ALDH4A1: variants seen among roughly 807,000 people sequenced by gnomAD.
ALDH4A1 encodes the protein delta-1-pyrroline-5-carboxylate dehydrogenase, mitochondrial.
A neutral mutation model predicts 70.5 loss-of-function variants in ALDH4A1; 46 were observed. The observed-to-expected ratio is 0.65, with a 90% CI of 0.51 to 0.83. ALDH4A1 has a LOEUF of 0.83. Among genes scored for constraint, ALDH4A1 ranks in the 40% least tolerant of loss-of-function variants. The pLI is 0.00. For missense variants in ALDH4A1, 749 were observed against 766.5 expected (o/e 0.98, Z 0.27); for synonymous variants, 323 against 324.3 (o/e 1.00, Z 0.04).
At chr1:18,879,546 G>C (rs183027231) in intron 8 of ALDH4A1, among the ~76,000 whole-genome samples, 173 bp from the exon 9 acceptor site, 128 of 152,292 alleles carry the variant, frequency 8.4e-4, no homozygotes, top group African/African-American at 2.9e-3. Flanking sequence ...GCAACGGGGG[G>C]CTAGGCAGCA....
rs376233218 is a variant in ALDH4A1, at chr1:18,878,516, C to T, written c.940+784G>A. ...GCCACAGAGAAACATGCTGGACCACCGGTCCCAGCTCTGCTGGTCACGTGC... is the reference window on the plus strand; with the variant it reads ...GCCACAGAGAAACATGCTGGACCACTGGTCCCAGCTCTGCTGGTCACGTGC... On this transcript the variant is annotated intron_variant, in intron 9 of 14. Transcript: ENST00000375341. 1.0e-3 allele frequency among the ~76,000 whole-genome samples: 159 copies of T among 152,270 alleles called. 1 individual carries two copies. Among genetic ancestry groups the T allele is most frequent in the African/African-American group, 3.6e-3 (148 of 41,542 alleles).
At chr1:18,900,898 G>C (rs1344298192) in intron 1 of ALDH4A1, 9 of 984,932 alleles carry the variant, frequency 9.1e-6, no homozygotes, top group Non-Finnish European at 1.1e-5. Context: ...GGCCCATGGT[G>C]CTTGATTGCT....
intron 5 of ALDH4A1, 46 bp downstream of exon 5, chr1:18,885,427 T>TTCCCCC: frequency 7.7e-6 from 5 of 650,920 alleles, no homozygotes; most frequent in East Asian, 6.3e-5. Flanking sequence ...CACACCTGAC[T>TTCCCCC]CCCACCCCAC....
intron 12 of ALDH4A1, among the ~76,000 whole-genome samples, chr1:18,875,706 TC>T (rs1934651910): frequency 6.6e-6 from 1 of 151,992 alleles, no homozygotes; most frequent in African/African-American, 2.4e-5. Context: ...GTCCTGTCCA[TC>T]CCACCACAAG....
In ALDH4A1 at chr1:18,872,845, T is replaced by G. The variant is rs1422137698; in HGVS notation, c.1692A>C (p.Ter564CysextTer38). Residue 564 changes from the stop codon to cysteine, a stop_lost, in exon 15 of 15, where the codon TGA (stop) becomes TGC (cysteine). Transcript: ENST00000375341. ...CTGGACGGTGGAGCCCGAGAGGGGC[T>G]CACTGCATGTACGCGTAGCTCCAGT... ...LGDWSYAYMQ[*>C] 8 of 1,612,692 alleles carry G rather than the reference T, an allele frequency of 5.0e-6. No homozygotes were observed. The highest frequency in any genetic ancestry group is 6.8e-6 in the Non-Finnish European group (8 of 1,179,180).
intron 4 of ALDH4A1, 148 bp from the exon 5 acceptor site, chr1:18,885,776 G>A (rs1318181873): frequency 1.7e-6 from 2 of 1,200,544 alleles, no homozygotes; most frequent in Admixed American, 2.1e-5. Flanking sequence ...TGCCACCATA[G>A]CTGCCAACAA....
intron 1 of ALDH4A1, among the ~76,000 whole-genome samples, chr1:18,899,616 G>A (rs1057381933): frequency 1.3e-5 from 2 of 152,356 alleles, no homozygotes; most frequent in East Asian, 1.9e-4. Context: ...TCAAGGCCTC[G>A]GACAAGTTTT....
intron 9 of ALDH4A1, among the ~76,000 whole-genome samples, chr1:18,878,603 C>T (rs1159318085): frequency 6.6e-6 from 1 of 152,184 alleles, no homozygotes; most frequent in African/African-American, 2.4e-5. Flanking sequence ...CCACAAAACA[C>T]TTGGTCCATG....
At chr1:18,873,441 G>A (rs556015164) in intron 14 of ALDH4A1, among the ~76,000 whole-genome samples, 15 of 152,274 alleles carry the variant, frequency 9.9e-5, no homozygotes, top group African/African-American at 3.4e-4. Context: ...GCTCTTGCAG[G>A]ATGGCACTGA....
Position 18,883,152 on chromosome 1 carries a change from C to G in ALDH4A1, c.650G>C (p.Gly217Ala). 3 of 1,613,172 alleles carry G rather than the reference C, an allele frequency of 1.9e-6. No individual in the cohort carries two copies. Among genetic ancestry groups the G allele is most frequent in the Non-Finnish European group, 2.5e-6 (3 of 1,180,046 alleles). Residue 217 changes from glycine (G) to alanine (A), a missense_variant, in exon 7 of 15, where the codon GGC becomes GCC. By Grantham distance (60) the Gly-to-Ala change is moderately conservative. Coordinates refer to ENST00000375341, the MANE Select transcript of ALDH4A1 (RefSeq NM_003748.4). Reference sequence around the variant, plus strand: ...CAGGGCCGGTGCCCCCGCCAGGTTGCCGCCGATTGCAGTGAAGTTAAAGGG... The same window carrying G: ...CAGGGCCGGTGCCCCCGCCAGGTTGGCGCCGATTGCAGTGAAGTTAAAGGG... The part of the protein sequence containing the change: ...ISPFNFTAIG[G>A]NLAGAPALMG...
At position 18,898,980 on chromosome 1, in the gene ALDH4A1, C is replaced by T. The variant is rs952387226; in HGVS notation, c.62+3482G>A. Among the ~76,000 whole-genome samples, 7 of 152,352 alleles carry T rather than the reference C, an allele frequency of 4.6e-5. No homozygotes were observed. In the South Asian group the frequency reaches 1.2e-3, roughly 27 times the overall value. ...TCCAGGAAACCACTGATCACATCAC[C>T]GCTAATCCTTGCAGCCACCTGCTAC... On this transcript the variant is annotated intron_variant, in intron 1 of 14. Transcript: ENST00000375341. The surrounding 1 kb of genome is among the most constrained non-coding windows in gnomAD (Gnocchi z 4.3).
chr1:18,879,830 A>G (rs948529184), intron 8 of ALDH4A1, among the ~76,000 whole-genome samples: 1 of 152,176 alleles, frequency 6.6e-6, no homozygotes, highest in African/African-American at 2.4e-5. Flanking sequence ...CAGGCCTGAG[A>G]GGCCAAACCG....
intron 5 of ALDH4A1, 46 bp downstream of exon 5, chr1:18,885,427 T>TGCCAACCCCCCCCCCCCCCCCC: frequency 1.5e-6 from 1 of 650,922 alleles, no homozygotes. Context: ...CACACCTGAC[T>TGCCAACCCCCCCCCCCCCCCCC]CCCACCCCAC....
At chr1:18,875,319 G>T in intron 13 of ALDH4A1, 63 bp downstream of exon 13, 6 of 1,612,136 alleles carry the variant, frequency 3.7e-6, no homozygotes, top group Non-Finnish European at 5.1e-6. Context: ...TCCAGGAGGT[G>T]GGGATGGGGA....
At chr1:18,884,555 T>C (rs935423784) in intron 5 of ALDH4A1, among the ~76,000 whole-genome samples, 1 of 152,222 alleles carries the variant, frequency 6.6e-6, no homozygotes, top group Non-Finnish European at 1.5e-5. Flanking sequence ...GGAGCTGTCA[T>C]GCCAGCTCTG....
intron 1 of ALDH4A1, among the ~76,000 whole-genome samples, chr1:18,901,952 C>A (rs1386262419): frequency 1.5e-5 from 2 of 131,644 alleles, no homozygotes; most frequent in Non-Finnish European, 3.1e-5. Context: ...AAAAAACGGG[C>A]GGCGGGGTGT....
chr1:18,876,598 G>A, intron 11 of ALDH4A1, 131 bp from the exon 12 acceptor site: 1 of 1,064,404 alleles, frequency 9.4e-7, no homozygotes, highest in Non-Finnish European at 1.3e-6. Context: ...AGGGGTAGGG[G>A]ACGCCAAGGG....
chr1:18,885,188 C>T (rs1156787730), intron 5 of ALDH4A1: 2 of 490,548 alleles, frequency 4.1e-6, no homozygotes, highest in African/African-American at 2.0e-5. Context: ...TGCAGGCCAC[C>T]ACCAGTCCAG....
intron 1 of ALDH4A1, 140 bp downstream of exon 1, chr1:18,902,322 C>T: frequency 1.7e-6 from 1 of 601,464 alleles, no homozygotes. Flanking sequence ...CGGAGGGGAG[C>T]CCCTGAGGAA....
Sources: gnomAD v4.1 joint callset for allele counts (sites outside exome capture counted in the v4.1 genomes callset) on GRCh38, gnomAD v4.1.1 for gene constraint, Gnocchi (gnomAD v3.1) non-coding constraint, MANE v1.5 for transcripts, NCBI Gene and HGNC (gene_info 2026-07-23, HGNC 2026-07-21) for gene names.